Variants in CPNE8 observed in about 807,000 individuals in gnomAD.
CPNE8 encodes the protein copine-8.
In CPNE8, 45 loss-of-function variants were observed where a neutral mutation model predicts 81.5. That is an observed-to-expected ratio of 0.55 (90% CI 0.44 to 0.71). CPNE8 has a LOEUF of 0.71. Among genes scored for constraint, CPNE8 ranks in the 30% least tolerant of loss-of-function variants. CPNE8 has a pLI of 0.00. For synonymous variants in CPNE8, 252 were observed against 226.3 expected, an observed-to-expected ratio of 1.11 and a Z score of -1.02; for missense variants, 594 against 672.1, an observed-to-expected ratio of 0.88 and a Z score of 1.28.
chr12:38,854,673 T>C (rs964239729), intron 3 of CPNE8, among the ~76,000 whole-genome samples: 1 of 152,014 alleles, frequency 6.6e-6, no homozygotes, highest in Non-Finnish European at 1.5e-5. Flanking sequence ...GAAAACTATA[T>C]GATCAACTCA....
intron 6 of CPNE8, among the ~76,000 whole-genome samples, chr12:38,806,951 C>A (rs1348226871): frequency 6.7e-6 from 1 of 150,068 alleles, no homozygotes; most frequent in Non-Finnish European, 1.5e-5. Flanking sequence ...TTCTTACACA[C>A]CAACAACAGA....
intron 16 of CPNE8, among the ~76,000 whole-genome samples, chr12:38,681,872 T>C (rs1018395105): frequency 7.2e-5 from 11 of 152,220 alleles, no homozygotes; most frequent in African/African-American, 2.7e-4. Context: ...ACAGTAGGTG[T>C]TAATCACAAT....
chr12:38,747,070 TCA>T (rs1941242228), intron 10 of CPNE8, among the ~76,000 whole-genome samples: 1 of 152,304 alleles, frequency 6.6e-6, no homozygotes, highest in African/African-American at 2.4e-5. Flanking sequence ...CATCTGATCT[TCA>T]CACACTTTTC....
At chr12:38,754,009 A>G (rs1029286661) in intron 10 of CPNE8, among the ~76,000 whole-genome samples, 1 of 152,198 alleles carries the variant, frequency 6.6e-6, no homozygotes, top group Non-Finnish European at 1.5e-5. Context: ...TAACTTCAAT[A>G]TAAATCATAA....
chr12:38,831,525 C>CA (rs1943285233), intron 5 of CPNE8, among the ~76,000 whole-genome samples: 1 of 152,114 alleles, frequency 6.6e-6, no homozygotes, highest in Non-Finnish European at 1.5e-5. Context: ...GCACATGAGA[C>CA]AAAAAATAAC....
chr12:38,791,502 G>A (rs565252142), intron 6 of CPNE8, among the ~76,000 whole-genome samples: 9 of 151,542 alleles, frequency 5.9e-5, no homozygotes, highest in Non-Finnish European at 1.2e-4. Context: ...AGAGTACTTA[G>A]AATTGCACAA....
chr12:38,813,310 C>T (rs2136991595), intron 6 of CPNE8, among the ~76,000 whole-genome samples: 1 of 152,120 alleles, frequency 6.6e-6, no homozygotes, highest in East Asian at 1.9e-4. Flanking sequence ...GGTTGCTACA[C>T]AAGGGTAGTG....
At chr12:38,840,174 A>G (rs1011817559) in intron 4 of CPNE8, among the ~76,000 whole-genome samples, 6 of 152,116 alleles carry the variant, frequency 3.9e-5, no homozygotes, top group East Asian at 3.8e-4. Flanking sequence ...AACACCTAAC[A>G]AGCCTTAATA....
rs879941488 is a variant in CPNE8 at position 38,900,161 on chromosome 12, T to A, written c.98+5276A>T. 9.3e-3 allele frequency among the ~76,000 whole-genome samples: 1,409 copies of A among 152,248 alleles called. 18 individuals are homozygous for A. The highest frequency in any genetic ancestry group is 0.039 in the South Asian group (186 of 4,818). On this transcript the variant is annotated intron_variant, in intron 1 of 19. Coordinates refer to ENST00000331366, the MANE Select transcript of CPNE8 (RefSeq NM_153634.3). The stretch of plus-strand genomic sequence containing the variant: ...TCCAGCACACCATCAAAAAGTATCT[T>A]CCTAACACCCTAGTAGGGTGGGTTT...
intron 10 of CPNE8, among the ~76,000 whole-genome samples, chr12:38,756,936 A>G (rs1941474867): frequency 1.3e-5 from 2 of 152,192 alleles, no homozygotes; most frequent in South Asian, 4.1e-4. Context: ...AATCCTTCTT[A>G]GTAATTTTGT....
chr12:38,708,003 A>G (rs1940156586), intron 13 of CPNE8, among the ~76,000 whole-genome samples: 2 of 152,248 alleles, frequency 1.3e-5, no homozygotes, highest in South Asian at 4.1e-4. Flanking sequence ...TGACAAAGAT[A>G]GCACAGCATT....
chr12:38,809,899 T>A (rs915331780), intron 6 of CPNE8, among the ~76,000 whole-genome samples: 22 of 152,294 alleles, frequency 1.4e-4, no homozygotes, highest in Admixed American at 1.3e-3. Flanking sequence ...ATAACAGTTA[T>A]ATACATTCCA....
intron 15 of CPNE8, among the ~76,000 whole-genome samples, chr12:38,690,546 G>A (rs1170376944): frequency 1.3e-5 from 2 of 152,106 alleles, no homozygotes; most frequent in Non-Finnish European, 2.9e-5. Context: ...TTCCATAAAT[G>A]TTCGAATTGG....
In CPNE8 at chr12:38,859,712, T is replaced by C. The variant is rs541168184; in HGVS notation, c.187-11050A>G. 9.2e-5 allele frequency among the ~76,000 whole-genome samples: 14 copies of C among 152,112 alleles called. No homozygotes were observed. In the East Asian group the frequency reaches 2.3e-3, roughly 25 times the overall value. ...AGTCATTAAAATACCATAGTACTGA[T>C]AACAACAGCCACATGGATCATTAGA... On this transcript the variant is annotated intron_variant, in intron 3 of 19. Transcript: ENST00000331366.
intron 19 of CPNE8, among the ~76,000 whole-genome samples, chr12:38,668,620 A>AAAT (rs1939108528): frequency 6.6e-6 from 1 of 152,230 alleles, no homozygotes; most frequent in Non-Finnish European, 1.5e-5. Context: ...CTTCAAATTC[A>AAAT]TACTTCCATG....
At chr12:38,686,290 G>A (rs755885952) in intron 15 of CPNE8, among the ~76,000 whole-genome samples, 31 of 152,206 alleles carry the variant, frequency 2.0e-4, no homozygotes, top group Non-Finnish European at 4.1e-4. Context: ...AAAAATCCAG[G>A]TCATTAAAGG....
intron 14 of CPNE8, among the ~76,000 whole-genome samples, 191 bp from the exon 15 acceptor site, chr12:38,694,029 A>T (rs1280384463): frequency 6.6e-6 from 1 of 152,186 alleles, no homozygotes; most frequent in Admixed American, 6.5e-5. Flanking sequence ...AGACATATAG[A>T]AAGTTCTAAG....
At chr12:38,727,652 T>G (rs1339831633) in intron 11 of CPNE8, among the ~76,000 whole-genome samples, 2 of 152,178 alleles carry the variant, frequency 1.3e-5, no homozygotes, top group Non-Finnish European at 2.9e-5. Context: ...TTGAAAGTAG[T>G]CAGTTGCAGG....
intron 11 of CPNE8, among the ~76,000 whole-genome samples, chr12:38,725,388 G>T (rs1940670433): frequency 6.6e-6 from 1 of 152,106 alleles, no homozygotes; most frequent in Non-Finnish European, 1.5e-5. Context: ...AATTGGTAAA[G>T]GTCTGCTTTG....
Sources: allele counts gnomAD v4.1 joint callset (sites outside exome capture counted in the v4.1 genomes callset), GRCh38; gene constraint gnomAD v4.1.1; transcripts MANE v1.5; gene names NCBI Gene and HGNC (gene_info 2026-07-23, HGNC 2026-07-21).